Variants in LAMB1 observed in about 807,000 individuals in gnomAD.
LAMB1 encodes the protein laminin subunit beta 1, also known as laminin subunit beta-1.
LAMB1 carries 121 observed loss-of-function variants against 222.3 expected under a neutral mutation model. The observed-to-expected ratio is 0.54, with a 90% CI of 0.47 to 0.63. The LOEUF (loss-of-function observed/expected upper bound fraction) is 0.63. Ranked by LOEUF, LAMB1 falls within the 30% of genes least tolerant of loss-of-function variation. The probability of loss-of-function intolerance (pLI) is 0.00; values close to 1 mark genes in which losing one functional copy is unlikely to be tolerated. For missense variants in LAMB1, 2,172 were observed against 2,240.8 expected, an observed-to-expected ratio of 0.97 and a Z score of 0.62; for synonymous variants, 794 against 807.2, an observed-to-expected ratio of 0.98 and a Z score of 0.28.
In LAMB1 at chr7:107,961,286, T is replaced by C; in HGVS notation, c.2029A>G (p.Asn677Asp). 2 of 1,614,060 alleles carry C rather than the reference T, an allele frequency of 1.2e-6. No homozygotes were observed. The highest frequency in any genetic ancestry group is 1.7e-6 in the Non-Finnish European group (2 of 1,179,996). ...GGCAGCTCCAACCTCACCGTGTAGT[T>C]TGTTCCCTTCTCAAAGCACACCGGC... Reference protein sequence around the residue: ...PRPVCFEKGTNYTVRLELPQY... With the variant: ...PRPVCFEKGTDYTVRLELPQY... Residue 677 changes from asparagine (N) to aspartate (D), a missense_variant, in exon 17 of 34, where the codon AAC (asparagine) becomes GAC (aspartate). Physicochemically the swap from Asn to Asp is conservative, Grantham distance 23. Coordinates refer to ENST00000222399, the MANE Select transcript of LAMB1 (RefSeq NM_002291.3).
At chr7:107,990,698 T>C (rs1195703670) in intron 5 of LAMB1, among the ~76,000 whole-genome samples, 1 of 152,234 alleles carries the variant, frequency 6.6e-6, no homozygotes, top group Non-Finnish European at 1.5e-5. Flanking sequence ...GGTTCAGCTT[T>C]TGATTTTAAA....
intron 7 of LAMB1, among the ~76,000 whole-genome samples, chr7:107,981,727 A>C (rs999070006): frequency 6.6e-6 from 1 of 152,204 alleles, no homozygotes; most frequent in Non-Finnish European, 1.5e-5. Context: ...ACATGAGAAA[A>C]TTCCATTCAG....
At chr7:107,972,145 C>T (rs778295069) in intron 13 of LAMB1, among the ~76,000 whole-genome samples, 3 of 152,158 alleles carry the variant, frequency 2.0e-5, no homozygotes, top group South Asian at 2.1e-4. Flanking sequence ...GTCTATGGCA[C>T]GACCTCGAAC....
chr7:107,987,198 C>T (rs745538535), intron 5 of LAMB1, among the ~76,000 whole-genome samples: 1 of 152,162 alleles, frequency 6.6e-6, no homozygotes, highest in Non-Finnish European at 1.5e-5. Flanking sequence ...ATAAGCCACA[C>T]AAAAGGACAA....
chr7:107,988,539 T>C (rs765368989), intron 5 of LAMB1, among the ~76,000 whole-genome samples: 2 of 151,918 alleles, frequency 1.3e-5, no homozygotes, highest in Non-Finnish European at 2.9e-5. Flanking sequence ...GAAAACAGAG[T>C]GGTGCCAGTA....
chr7:107,964,788 A>C, intron 13 of LAMB1, 101 bp from the exon 14 acceptor site: 1 of 1,251,766 alleles, frequency 8.0e-7, no homozygotes, highest in Non-Finnish European at 1.1e-6. Flanking sequence ...ACAGGACCAA[A>C]TACATAGCAT....
At chr7:107,969,740 C>T (rs144998068) in intron 13 of LAMB1, among the ~76,000 whole-genome samples, 237 of 152,296 alleles carry the variant, frequency 1.6e-3, no homozygotes, top group African/African-American at 5.5e-3. Flanking sequence ...ACCTGTACAG[C>T]ATATTACTGT....
At position 107,958,159 on chromosome 7, in the gene LAMB1, G is replaced by GA. The variant is rs1196360110; in HGVS notation, c.2690+1089dup. On this transcript the variant is annotated intron_variant, in intron 20 of 33. Transcript: ENST00000222399. ...TCGTACTTATTCTCCATCTCTCTTT[G>GA]AAAAAACAATAATGGAAAACGGCTG... 3.9e-5 allele frequency among the ~76,000 whole-genome samples: 6 copies of GA among 151,926 alleles called. No homozygotes were observed. In the East Asian group the frequency reaches 1.2e-3, roughly 29 times the overall value.
At chr7:108,003,009 TCAAAG>T in intron 1 of LAMB1, 38 bp from the exon 2 acceptor site, 1 of 1,527,176 alleles carries the variant, frequency 6.5e-7, no homozygotes. Flanking sequence ...AGGCAAATGT[TCAAAG>T]AGAGAAGAGG....
intron 5 of LAMB1, among the ~76,000 whole-genome samples, chr7:107,990,448 C>T (rs1160062926): frequency 2.0e-5 from 3 of 152,150 alleles, no homozygotes; most frequent in African/African-American, 7.2e-5. Context: ...ATCTCTATGG[C>T]GAACTTGGGG....
chr7:107,932,355 G>C lies in LAMB1; in HGVS notation c.4211C>G (p.Ala1404Gly). 1 of 1,614,188 alleles carries C rather than the reference G, an allele frequency of 6.2e-7. No individual in the cohort carries two copies. Among genetic ancestry groups the C allele is most frequent in the Non-Finnish European group, 8.5e-7 (1 of 1,180,036 alleles). ...AEMTCGTPPG[A>G]SCSETECGGP... is the part of the protein sequence containing the mutation. ...GCCACATTCAGTCTCGGAACAGGAG[G>C]CCCCTGGGGGTGTTCCACAGGTCTG... The change falls in exon 28 of 34, where the codon GCC becomes GGC. Residue 1404 changes from alanine (A) to glycine (G), a missense_variant. By Grantham distance (60) the Ala-to-Gly change is moderately conservative (BLOSUM62 0). Transcript: ENST00000222399.
At chr7:107,931,695 G>A (rs2032715374) in intron 28 of LAMB1, 195 bp from the exon 29 acceptor site, 1 of 583,542 alleles carries the variant, frequency 1.7e-6, no homozygotes, top group African/African-American at 1.9e-5. Flanking sequence ...TTCCTAAACA[G>A]TATTCTGATA....
Position 107,975,717 on chromosome 7 carries a change from C to CCT in LAMB1, c.1159_1160dup (p.Asp388GlyfsTer44). 1 of 1,612,128 alleles carries CCT rather than the reference C, an allele frequency of 6.2e-7. No individual in the cohort carries two copies. Among genetic ancestry groups the CCT allele is most frequent in the Non-Finnish European group, 8.5e-7 (1 of 1,179,062 alleles). ...CACAGAAATTAGGATCTCGGATGTC[C>CCT]CTCTCTGGGTGCTGGTAGTAAAACG... On this transcript the variant is annotated frameshift_variant, in exon 10 of 34. Coordinates refer to ENST00000222399, the MANE Select transcript of LAMB1 (RefSeq NM_002291.3). LOFTEE classifies it high-confidence loss of function.
intron 24 of LAMB1, among the ~76,000 whole-genome samples, chr7:107,947,509 C>A (rs962486732): frequency 6.6e-6 from 1 of 152,206 alleles, no homozygotes; most frequent in Non-Finnish European, 1.5e-5. Flanking sequence ...GCTCCTGTTT[C>A]TAATCGTGAA....
chr7:107,935,347 GTTTT>G lies in LAMB1; in HGVS notation c.4188+64_4188+67del, dbSNP rs200599445. 4.7e-3 allele frequency: 5,539 copies of G among 1,171,600 alleles called. 139 individuals are homozygous for G. The African/African-American group carries it at 0.11, about 23-fold the overall frequency. 72.6% of individuals were successfully genotyped at this position (1,171,600 alleles called of 1,614,324 possible). Reference sequence around the variant, plus strand: ...GACAAAAGATGGTTTGTTTTTCTTTGTTTTTTTTTTTTTTTTTTTTTTTTTTGCT... The same window carrying G: ...GACAAAAGATGGTTTGTTTTTCTTTGTTTTTTTTTTTTTTTTTTTTTTGCT... On this transcript the variant is annotated intron_variant, in intron 27 of 33. Transcript: ENST00000222399.
At chr7:107,961,708 T>C (rs777788210) in intron 15 of LAMB1, 32 bp from the exon 16 acceptor site, 3 of 1,600,702 alleles carry the variant, frequency 1.9e-6, no homozygotes, top group Non-Finnish European at 1.7e-6. Context: ...GAAAAGATAG[T>C]TAGCCCACCA....
intron 21 of LAMB1, among the ~76,000 whole-genome samples, chr7:107,954,933 T>A (rs1005225871): frequency 1.3e-5 from 2 of 152,068 alleles, no homozygotes; most frequent in African/African-American, 4.8e-5. Flanking sequence ...CTGAGTTACA[T>A]ATAAACATAA....
rs1352089195 is a variant in LAMB1, at chr7:107,994,967, G to C, written c.350-7C>G. On this transcript the variant is annotated splice_polypyrimidine_tract_variant and splice_region_variant and intron_variant, in intron 4 of 33. Coordinates refer to ENST00000222399, the MANE Select transcript of LAMB1 (RefSeq NM_002291.3). ...ATAGTTACATTTTCCACACCTACAG[G>C]AGATTTAAAAAAAATAAAACAATAA... The C allele has an allele frequency of 3.3e-6, 5 of 1,518,032 alleles. No individual in the cohort carries two copies. In the East Asian group the frequency reaches 1.1e-4, roughly 34 times the overall value. The allele number at this position is 1,518,032 out of a possible 1,614,324, so 94.0% of individuals were successfully genotyped here.
intron 22 of LAMB1, 82 bp from the exon 23 acceptor site, chr7:107,952,305 G>A: frequency 2.0e-6 from 2 of 1,023,856 alleles, no homozygotes; most frequent in Non-Finnish European, 2.9e-6. Context: ...TAAATGCTAA[G>A]ATGTTCCCAC....
Sources: allele counts gnomAD v4.1 joint callset (sites outside exome capture counted in the v4.1 genomes callset), GRCh38; gene constraint gnomAD v4.1.1; transcripts MANE v1.5; gene names NCBI Gene and HGNC (gene_info 2026-07-23, HGNC 2026-07-21).